HORMAD2: variants seen among roughly 807,000 people sequenced by gnomAD.
The protein encoded by HORMAD2 is HORMA domain containing 2.
In HORMAD2, 45 loss-of-function variants were observed where a neutral mutation model predicts 38.8. The ratio of observed to expected loss-of-function variants is 1.16; its 90% CI spans 0.91 to 1.49. The LOEUF is 1.49. Among genes scored for constraint, HORMAD2 ranks in the 40% most tolerant of loss-of-function variants. HORMAD2 has a pLI of 0.00. For missense variants in HORMAD2, 338 were observed against 367.0 expected, an observed-to-expected ratio of 0.92 and a Z score of 0.65; for synonymous variants, 126 against 122.8, an observed-to-expected ratio of 1.03 and a Z score of -0.17.
At chr22:30,098,796 C>G in intron 2 of HORMAD2, 56 bp from the exon 3 acceptor site, 1 of 1,477,152 alleles carries the variant, frequency 6.8e-7, no homozygotes, top group Non-Finnish European at 9.2e-7. Context: ...TAATGATGTG[C>G]TAAACTGAAT....
At chr22:30,179,919 C>G (rs567765147), downstream of HORMAD2, among the ~76,000 whole-genome samples, 1 of 152,154 alleles carries the variant, frequency 6.6e-6, no homozygotes, top group South Asian at 2.1e-4. Context: ...GAGATGGTCT[C>G]ACTCTGTCAC....
At chr22:30,189,541 T>G in the HORMAD2 span, among the ~76,000 whole-genome samples, 1 of 152,072 alleles carries the variant, frequency 6.6e-6, no homozygotes, top group Non-Finnish European at 1.5e-5. Flanking sequence ...TAGTGACTAT[T>G]GTACATAGCC....
chr22:30,114,645 A>T (rs1305815621), intron 7 of HORMAD2, among the ~76,000 whole-genome samples: 1 of 152,216 alleles, frequency 6.6e-6, no homozygotes, highest in African/African-American at 2.4e-5. Flanking sequence ...ATGTTTATAT[A>T]TGCCTGAAGC....
At chr22:30,139,081 C>T (rs2146173936) in intron 10 of HORMAD2, among the ~76,000 whole-genome samples, 1 of 151,734 alleles carries the variant, frequency 6.6e-6, no homozygotes, top group East Asian at 1.9e-4. Flanking sequence ...TCATCTGCAC[C>T]ATTGACTCTC....
At chr22:30,187,094 G>A in the HORMAD2 span, among the ~76,000 whole-genome samples, 3 of 152,170 alleles carry the variant, frequency 2.0e-5, no homozygotes, top group East Asian at 1.9e-4. Context: ...TGTGAATGTC[G>A]TAGAATGGCA....
chr22:30,085,095 G>A (rs922472801), intron 1 of HORMAD2, among the ~76,000 whole-genome samples: 19 of 151,150 alleles, frequency 1.3e-4, no homozygotes. Flanking sequence ...GCAGTGAGCC[G>A]AGATTGCGCC....
At chr22:30,206,859 C>A in the HORMAD2 span, 2 of 322,448 alleles carry the variant, frequency 6.2e-6, no homozygotes, top group Non-Finnish European at 1.3e-5. Flanking sequence ...CAGGCTTCCA[C>A]CAGGGCCACT....
At chr22:30,159,057 T>G (rs1465458712) in intron 10 of HORMAD2, among the ~76,000 whole-genome samples, 1 of 152,218 alleles carries the variant, frequency 6.6e-6, no homozygotes, top group South Asian at 2.1e-4. Context: ...TATGAACTAC[T>G]GTCATGTTTT....
chr22:30,113,461 AC>A, intron 7 of HORMAD2, among the ~76,000 whole-genome samples: 1 of 151,668 alleles, frequency 6.6e-6, no homozygotes, highest in Non-Finnish European at 1.5e-5. Context: ...CTGGTCTTGA[AC>A]TCCTAACCTC....
At chr22:30,088,210 T>C (rs531703399) in intron 1 of HORMAD2, among the ~76,000 whole-genome samples, 2 of 150,234 alleles carry the variant, frequency 1.3e-5, no homozygotes, top group African/African-American at 4.9e-5. Flanking sequence ...CATATATACA[T>C]ATATACACAT....
At chr22:30,093,705 A>G (rs1308742863) in intron 1 of HORMAD2, among the ~76,000 whole-genome samples, 1 of 152,192 alleles carries the variant, frequency 6.6e-6, no homozygotes, top group Non-Finnish European at 1.5e-5. Flanking sequence ...TGATAGAATT[A>G]TCTTAGCATT....
rs549331097 is a variant in HORMAD2 at position 30,160,730 on chromosome 22, C to T, written c.820-15333C>T. On this transcript the variant is annotated intron_variant, in intron 10 of 10. Transcript: ENST00000336726. ...TACATAAAACTAACAAAAATGGAAG[C>T]AATTAAATAACTATAGTTGAACTAA... Among the ~76,000 whole-genome samples, 50 of 152,088 alleles carry T rather than the reference C, an allele frequency of 3.3e-4. 1 individual carries two copies. The South Asian group carries it at 1.0e-2, about 30-fold the overall frequency.
intron 5 of HORMAD2, among the ~76,000 whole-genome samples, chr22:30,106,171 C>T (rs954613484): frequency 2.6e-5 from 4 of 152,002 alleles, no homozygotes; most frequent in African/African-American, 4.8e-5. Context: ...CCACCACACT[C>T]GGCTAATTTT....
chr22:30,104,288 A>T, intron 4 of HORMAD2, 113 bp from the exon 5 acceptor site: 1 of 779,680 alleles, frequency 1.3e-6, no homozygotes, highest in East Asian at 2.5e-5. Flanking sequence ...GAAAGGTAAG[A>T]TGGTTATCAA....
chr22:30,088,124 C>CACACACATGT (rs1491190235), intron 1 of HORMAD2, among the ~76,000 whole-genome samples: 2 of 144,652 alleles, frequency 1.4e-5, no homozygotes, highest in African/African-American at 5.6e-5. Flanking sequence ...TATACACACA[C>CACACACATGT]GTACACATGT....
chr22:30,204,136 G>T, the HORMAD2 span, among the ~76,000 whole-genome samples: 2 of 152,114 alleles, frequency 1.3e-5, no homozygotes, highest in Admixed American at 6.5e-5. Context: ...TGACAAGGAG[G>T]GGCCAGTGAC....
chr22:30,122,241 A>G (rs944442321), intron 10 of HORMAD2, 27 bp downstream of exon 10: 3 of 1,586,782 alleles, frequency 1.9e-6, no homozygotes, highest in East Asian at 2.2e-5. Flanking sequence ...GAGATTTTCT[A>G]TCGTGTCAGT....
intron 1 of HORMAD2, among the ~76,000 whole-genome samples, chr22:30,081,732 C>G (rs954482717): frequency 6.6e-6 from 1 of 151,964 alleles, no homozygotes; most frequent in East Asian, 1.9e-4. Flanking sequence ...TGCACCACCA[C>G]GCCCAGCTAA....
At chr22:30,139,902 C>T (rs1923953664) in intron 10 of HORMAD2, among the ~76,000 whole-genome samples, 1 of 151,762 alleles carries the variant, frequency 6.6e-6, no homozygotes, top group Non-Finnish European at 1.5e-5. Flanking sequence ...AGATATTAAC[C>T]CAAGCTTGCA....
Sources: allele counts gnomAD v4.1 joint callset (sites outside exome capture counted in the v4.1 genomes callset), GRCh38; gene constraint gnomAD v4.1.1; transcripts MANE v1.5; gene names NCBI Gene and HGNC (gene_info 2026-07-23, HGNC 2026-07-21).